GUCY2C: variants seen among roughly 807,000 people sequenced by gnomAD.
The protein encoded by GUCY2C is guanylyl cyclase C.
A neutral mutation model predicts 131.1 loss-of-function variants in GUCY2C; 118 were observed. The ratio of observed to expected loss-of-function variants is 0.90; its 90% CI spans 0.78 to 1.05. The LOEUF (loss-of-function observed/expected upper bound fraction) is 1.05. Ranked by LOEUF, GUCY2C falls within the 50% of genes least tolerant of loss-of-function variation. The pLI, the probability that GUCY2C is intolerant of heterozygous loss-of-function variation, is 0.00. For synonymous variants in GUCY2C, 452 were observed against 457.8 expected, an observed-to-expected ratio of 0.99 and a Z score of 0.16; for missense variants, 1,161 against 1,304.4, an observed-to-expected ratio of 0.89 and a Z score of 1.69.
intron 11 of GUCY2C, among the ~76,000 whole-genome samples, chr12:14,659,166 C>G (rs1947816618): frequency 6.6e-6 from 1 of 151,930 alleles, no homozygotes; most frequent in Admixed American, 6.6e-5. Flanking sequence ...GCCTCAGCCT[C>G]CTGAGTAGCT....
intron 21 of GUCY2C, among the ~76,000 whole-genome samples, chr12:14,623,866 C>T (rs534606031): frequency 2.0e-5 from 3 of 152,134 alleles, no homozygotes; most frequent in Non-Finnish European, 4.4e-5. Context: ...TTGTACATTT[C>T]CTGAGGCCTC....
intron 13 of GUCY2C, 120 bp downstream of exon 13, chr12:14,652,832 C>G: frequency 1.3e-6 from 1 of 769,170 alleles, no homozygotes; most frequent in Non-Finnish European, 2.4e-6. Context: ...AAGAATAGCC[C>G]CTAGGAACAG....
intron 24 of GUCY2C, among the ~76,000 whole-genome samples, chr12:14,617,254 C>T (rs1946785388): frequency 6.6e-6 from 1 of 152,160 alleles, no homozygotes; most frequent in African/African-American, 2.4e-5. Context: ...ATAAATAACC[C>T]AGTCTCAGGT....
chr12:14,672,835 A>G, intron 9 of GUCY2C, 38 bp downstream of exon 9: 1 of 1,193,382 alleles, frequency 8.4e-7, no homozygotes, highest in South Asian at 1.2e-5. Flanking sequence ...TCACCCAGTC[A>G]CAGCACCCTG....
chr12:14,640,532 G>A (rs536407620), intron 18 of GUCY2C, among the ~76,000 whole-genome samples: 1 of 151,448 alleles, frequency 6.6e-6, no homozygotes, highest in South Asian at 2.1e-4. Context: ...GTAAAACTCA[G>A]CTCAGGCACC....
intron 19 of GUCY2C, among the ~76,000 whole-genome samples, chr12:14,630,177 A>G (rs1438517856): frequency 6.6e-6 from 1 of 151,826 alleles, no homozygotes; most frequent in Non-Finnish European, 1.5e-5. Flanking sequence ...GCTAAAAACA[A>G]GATCATAAGT....
chr12:14,677,354 T>C (rs1009793015), intron 6 of GUCY2C, among the ~76,000 whole-genome samples: 1 of 152,174 alleles, frequency 6.6e-6, no homozygotes, highest in Non-Finnish European at 1.5e-5. Context: ...AGAGAAATTT[T>C]ATCACTAAAC....
In GUCY2C at chr12:14,674,121, G is replaced by A. The variant is rs534309568; in HGVS notation, c.1084+504C>T. Among the ~76,000 whole-genome samples, 205 of 152,278 alleles carry A rather than the reference G, an allele frequency of 1.3e-3. 1 individual carries two copies. The highest frequency in any genetic ancestry group is 4.4e-3 in the African/African-American group (183 of 41,542). ...GGATGAGATCTGGGAAACGAAAGATGGGAGTTTCACTAGGGGCTTGTAGGA... is the reference window on the plus strand; with the variant it reads ...GGATGAGATCTGGGAAACGAAAGATAGGAGTTTCACTAGGGGCTTGTAGGA... On this transcript the variant is annotated intron_variant, in intron 8 of 26. Coordinates refer to ENST00000261170, the MANE Select transcript of GUCY2C (RefSeq NM_004963.4).
chr12:14,657,979 A>C (rs1043113184), intron 11 of GUCY2C, among the ~76,000 whole-genome samples: 1 of 152,158 alleles, frequency 6.6e-6, no homozygotes, highest in Non-Finnish European at 1.5e-5. Context: ...GTATTGATAA[A>C]CTTTTTTTTA....
chr12:14,652,421 C>T (rs1051535903), intron 13 of GUCY2C, among the ~76,000 whole-genome samples: 3 of 152,076 alleles, frequency 2.0e-5, no homozygotes, highest in African/African-American at 7.2e-5. Context: ...ATGATCCACC[C>T]GCCTCAGCCT....
chr12:14,662,670 C>T (rs1456838273), intron 10 of GUCY2C, among the ~76,000 whole-genome samples: 17 of 130,154 alleles, frequency 1.3e-4, no homozygotes, highest in East Asian at 6.3e-4. Flanking sequence ...AATGAGACTC[C>T]GTCTCAAAAA....
intron 19 of GUCY2C, among the ~76,000 whole-genome samples, chr12:14,633,491 A>G (rs1185320813): frequency 6.6e-6 from 1 of 152,196 alleles, no homozygotes; most frequent in Non-Finnish European, 1.5e-5. Flanking sequence ...CAACATAAAG[A>G]CACAAGAAGC....
chr12:14,680,401 A>G (rs1948326252), intron 5 of GUCY2C, among the ~76,000 whole-genome samples: 1 of 152,120 alleles, frequency 6.6e-6, no homozygotes. Flanking sequence ...TGCCCTGTTG[A>G]ATTGTAAACT....
chr12:14,683,802 A>G (rs975540849), intron 3 of GUCY2C, among the ~76,000 whole-genome samples: 1 of 152,152 alleles, frequency 6.6e-6, no homozygotes, highest in Non-Finnish European at 1.5e-5. Flanking sequence ...TCAAACTACA[A>G]TGTTCACAGT....
At chr12:14,651,618 T>C in intron 14 of GUCY2C, 107 bp from the exon 15 acceptor site, 1 of 665,616 alleles carries the variant, frequency 1.5e-6, no homozygotes, top group Non-Finnish European at 2.7e-6. Context: ...TGAGAAGATG[T>C]GTTGTCTTAA....
intron 11 of GUCY2C, among the ~76,000 whole-genome samples, chr12:14,659,481 C>A (rs1947824563): frequency 6.6e-6 from 1 of 152,188 alleles, no homozygotes; most frequent in African/African-American, 2.4e-5. Context: ...GGTTATTTGA[C>A]AAACTCATTC....
intron 21 of GUCY2C, among the ~76,000 whole-genome samples, chr12:14,625,116 C>G (rs943735195): frequency 6.6e-6 from 1 of 152,144 alleles, no homozygotes; most frequent in Non-Finnish European, 1.5e-5. Context: ...GTTCCAACTC[C>G]TTTCCCCCAA....
At chr12:14,677,347 G>C (rs1249933363) in intron 6 of GUCY2C, among the ~76,000 whole-genome samples, 1 of 152,112 alleles carries the variant, frequency 6.6e-6, no homozygotes, top group East Asian at 1.9e-4. Context: ...ATGGTAGAGA[G>C]AAATTTTATC....
chr12:14,613,198 G>C lies in GUCY2C; in HGVS notation c.3141C>G (p.Pro1047=), dbSNP rs753607137. ...CTTTTTTATAGCTGGCTACCCGTCT[G>C]GGTTTTTGGCTTCTTATCCCTGCTG... The part of the protein sequence containing the change: ...RQAAGIRSQK[P]RRVASYKKGT... The change falls in exon 27 of 27, where the codon CCC becomes CCG. Residue 1047 remains proline (P), a synonymous_variant. Coordinates refer to ENST00000261170, the MANE Select transcript of GUCY2C (RefSeq NM_004963.4). This position sits in a 1 kb window ranked among gnomAD's most constrained non-coding sequence, Gnocchi z 4.9. 4 of 1,613,346 alleles carry C rather than the reference G, an allele frequency of 2.5e-6. No homozygotes were observed. The African/African-American group carries it at 5.3e-5, about 22-fold the overall frequency.
Sources: allele counts gnomAD v4.1 joint callset (sites outside exome capture counted in the v4.1 genomes callset), GRCh38; gene constraint gnomAD v4.1.1; non-coding constraint Gnocchi (gnomAD v3.1); transcripts MANE v1.5; gene names NCBI Gene and HGNC (gene_info 2026-07-23, HGNC 2026-07-21).